Variants in CSMD1 observed in about 807,000 individuals in gnomAD.
CSMD1 encodes CUB and sushi domain-containing protein 1.
In CSMD1, 213 loss-of-function variants were observed where a neutral mutation model predicts 417.5. The observed-to-expected ratio is 0.51, with a 90% confidence interval of 0.46 to 0.57. The LOEUF (loss-of-function observed/expected upper bound fraction) is 0.57, where lower values mean the gene tolerates loss of function less well. CSMD1 is among the 20% of genes least tolerant of loss of function. The pLI, the probability that CSMD1 is intolerant of heterozygous loss-of-function variation, is 0.00. For synonymous variants in CSMD1, 2,862 were observed against 1,736.8 expected (o/e 1.65, Z -16.11); for missense variants, 6,923 against 4,529.7 (o/e 1.53, Z -15.17).
At chr8:4,426,964 A>T (rs12542458) in intron 2 of CSMD1, among the ~76,000 whole-genome samples, 59 of 151,786 alleles carry the variant, frequency 3.9e-4, no homozygotes, top group Admixed American at 1.1e-3. Flanking sequence ...ACTGGATAAG[A>T]CTGGCCTGGT....
At chr8:4,684,980 A>G (rs1406475329) in intron 1 of CSMD1, among the ~76,000 whole-genome samples, 1 of 152,192 alleles carries the variant, frequency 6.6e-6, no homozygotes. Context: ...AATGATAGTA[A>G]GAAAAAAAGT....
At chr8:4,219,305 TTCTC>T (rs1800877663) in intron 3 of CSMD1, among the ~76,000 whole-genome samples, 2 of 152,352 alleles carry the variant, frequency 1.3e-5, no homozygotes, top group South Asian at 4.1e-4. Context: ...AGGTCTTTTC[TTCTC>T]TCTCAGTAAT....
At chr8:4,705,907 T>A (rs1421775595) in intron 1 of CSMD1, among the ~76,000 whole-genome samples, 1 of 152,146 alleles carries the variant, frequency 6.6e-6, no homozygotes, top group Non-Finnish European at 1.5e-5. Flanking sequence ...ATAGTTTAAC[T>A]AGGTCTATTG....
intron 2 of CSMD1, among the ~76,000 whole-genome samples, chr8:4,575,190 C>A (rs974582365): frequency 6.6e-6 from 1 of 152,176 alleles, no homozygotes; most frequent in African/African-American, 2.4e-5. Flanking sequence ...TATCACTTGA[C>A]CTCTTCCAAG....
At chr8:3,222,710 C>T (rs1353997219) in intron 28 of CSMD1, among the ~76,000 whole-genome samples, 2 of 152,126 alleles carry the variant, frequency 1.3e-5, no homozygotes, top group African/African-American at 4.8e-5. Flanking sequence ...ACATAGATAT[C>T]TAAAAAATAT....
In CSMD1 at chr8:3,522,403, G is replaced by C. The variant is rs201363729; in HGVS notation, c.1345-28677C>G. Among the ~76,000 whole-genome samples, 188 of 152,232 alleles carry C rather than the reference G, an allele frequency of 1.2e-3. 1 individual carries two copies. The highest frequency in any genetic ancestry group is 8.1e-3 in the South Asian group (39 of 4,824). ...TAAAAATATATATTGTTTCCATTTC[G>C]TGTGGGGGTTTTGTATCTACCAGCA... On this transcript the variant is annotated intron_variant, in intron 10 of 69. Coordinates refer to ENST00000635120, the MANE Select transcript of CSMD1 (RefSeq NM_033225.6).
At chr8:4,320,024 C>T (rs776585699) in intron 3 of CSMD1, among the ~76,000 whole-genome samples, 1 of 152,060 alleles carries the variant, frequency 6.6e-6, no homozygotes, top group African/African-American at 2.4e-5. Context: ...CAAAGTACCA[C>T]CTCAACAATG....
chr8:3,012,442 C>A (rs1563235957), intron 52 of CSMD1, among the ~76,000 whole-genome samples: 1 of 152,140 alleles, frequency 6.6e-6, no homozygotes, highest in African/African-American at 2.4e-5. Context: ...TTGGAAGTCA[C>A]TGGAAACAAC....
At chr8:4,339,586 G>T (rs149679962) in intron 3 of CSMD1, among the ~76,000 whole-genome samples, 1 of 151,978 alleles carries the variant, frequency 6.6e-6, no homozygotes, top group Non-Finnish European at 1.5e-5. Context: ...TTATTTCATC[G>T]TGCAAAGAAC....
At chr8:4,575,404 G>C (rs947808005) in intron 2 of CSMD1, among the ~76,000 whole-genome samples, 1 of 152,138 alleles carries the variant, frequency 6.6e-6, no homozygotes, top group Non-Finnish European at 1.5e-5. Context: ...TTAAGTCCTG[G>C]GTTGTAGAAC....
chr8:3,722,456 G>A (rs1237915447), intron 6 of CSMD1, among the ~76,000 whole-genome samples: 1 of 152,106 alleles, frequency 6.6e-6, no homozygotes, highest in Non-Finnish European at 1.5e-5. Flanking sequence ...AAAAGTGCTT[G>A]CCCCAACCTC....
At chr8:3,076,552 G>A (rs1813702181) in intron 49 of CSMD1, among the ~76,000 whole-genome samples, 1 of 152,182 alleles carries the variant, frequency 6.6e-6, no homozygotes, top group Non-Finnish European at 1.5e-5. Context: ...GGACTCTGTG[G>A]CTCTGCTATG....
chr8:3,426,165 A>G lies in CSMD1; in HGVS notation c.1562-16560T>C, dbSNP rs1038796967. ...TATCCCTAATACTTTCCTTTCAATA[A>G]CAGTAGATACAAAAGCAGAGCATGT... On this transcript the variant is annotated intron_variant, in intron 12 of 69. Transcript: ENST00000635120. Among the ~76,000 whole-genome samples the G allele has an allele frequency of 2.8e-4, 43 of 152,320 alleles. 1 individual carries two copies. The highest frequency in any genetic ancestry group is 9.9e-4 in the African/African-American group (41 of 41,570).
intron 2 of CSMD1, among the ~76,000 whole-genome samples, chr8:4,448,544 A>G (rs1798949402): frequency 6.6e-6 from 1 of 152,210 alleles, no homozygotes; most frequent in South Asian, 2.1e-4. Context: ...AAATCATGGG[A>G]ACATCCTTTG....
intron 50 of CSMD1, among the ~76,000 whole-genome samples, chr8:3,030,987 A>G (rs1186894522): frequency 6.6e-6 from 1 of 151,990 alleles, no homozygotes; most frequent in Non-Finnish European, 1.5e-5. Flanking sequence ...AGTAATCCTT[A>G]GGTTTCTTTC....
Position 4,420,028 on chromosome 8 carries a change from T to TA in CSMD1, c.339dup (p.Thr114TyrfsTer25). 2 of 1,580,908 alleles carry TA rather than the reference T, an allele frequency of 1.3e-6. No homozygotes were observed. The highest frequency in any genetic ancestry group is 1.7e-6 in the Non-Finnish European group (2 of 1,162,168). On this transcript the variant is annotated frameshift_variant, in exon 3 of 70. Transcript: ENST00000635120. LOFTEE classifies it high-confidence loss of function. ...AACCACAGAGTGAGGATAGATCCTGTACTCACTATAGAGGAGGGCAGCTGA... is the reference window on the plus strand; with the variant it reads ...AACCACAGAGTGAGGATAGATCCTGTAACTCACTATAGAGGAGGGCAGCTGA...
At chr8:3,299,480 A>T (rs751910079) in intron 25 of CSMD1, among the ~76,000 whole-genome samples, 6 of 152,150 alleles carry the variant, frequency 3.9e-5, no homozygotes, top group Non-Finnish European at 7.3e-5. Context: ...ATGTGGTATC[A>T]TCGCTAAGGA....
intron 5 of CSMD1, among the ~76,000 whole-genome samples, chr8:3,978,001 T>C (rs1349397322): frequency 6.6e-6 from 1 of 152,224 alleles, no homozygotes; most frequent in Admixed American, 6.5e-5. Flanking sequence ...GAGCATCTCA[T>C]AGCTCTTACT....
chr8:3,411,081 T>G (rs767639973), intron 12 of CSMD1, among the ~76,000 whole-genome samples: 8 of 152,144 alleles, frequency 5.3e-5, no homozygotes, highest in Non-Finnish European at 8.8e-5. Context: ...TTGGGCTTCC[T>G]GTTTGTGCAG....
Sources: gnomAD v4.1 joint callset for allele counts (sites outside exome capture counted in the v4.1 genomes callset) on GRCh38, gnomAD v4.1.1 for gene constraint, MANE v1.5 for transcripts, NCBI Gene and HGNC (gene_info 2026-07-23, HGNC 2026-07-21) for gene names.